The following CLASP1 variants were observed in gnomAD, a reference collection of about 807,000 sequenced individuals.
CLASP1 encodes cytoplasmic linker associated protein 1.
CLASP1 carries 38 observed loss-of-function variants against 192.3 expected under a neutral mutation model. The observed-to-expected ratio is 0.20, with a 90% confidence interval of 0.15 to 0.26. The LOEUF (loss-of-function observed/expected upper bound fraction) is 0.26. CLASP1 is among the 10% of genes least tolerant of loss of function. The probability of loss-of-function intolerance (pLI) is 1.00; values close to 1 mark genes in which losing one functional copy is unlikely to be tolerated. For missense variants in CLASP1, 1,433 were observed against 1,932.5 expected, an observed-to-expected ratio of 0.74 and a Z score of 4.85; for synonymous variants, 691 against 712.8, an observed-to-expected ratio of 0.97 and a Z score of 0.49.
At chr2:121,404,115 TAAGA>T (rs972103274) in intron 26 of CLASP1, among the ~76,000 whole-genome samples, 1 of 152,216 alleles carries the variant, frequency 6.6e-6, no homozygotes, top group African/African-American at 2.4e-5. Flanking sequence ...TTGCTGAATA[TAAGA>T]AAGACCATCT....
At chr2:121,344,190 G>A (rs2063149647) in intron 39 of CLASP1, among the ~76,000 whole-genome samples, 3 of 152,156 alleles carry the variant, frequency 2.0e-5, no homozygotes, top group Admixed American at 2.0e-4. Context: ...ACAGAGACCA[G>A]AAGGCAAGCT....
intron 19 of CLASP1, among the ~76,000 whole-genome samples, chr2:121,439,575 G>A (rs540831907): frequency 3.3e-5 from 5 of 151,960 alleles, no homozygotes; most frequent in East Asian, 1.9e-4. Context: ...CCTTCATTTC[G>A]TTATGTACCC....
intron 2 of CLASP1, chr2:121,530,556 C>T (rs116839709): frequency 5.4e-6 from 3 of 551,766 alleles, no homozygotes; most frequent in African/African-American, 3.8e-5. Context: ...AAATAAAAGG[C>T]AATACAGCGT....
intron 25 of CLASP1, among the ~76,000 whole-genome samples, chr2:121,407,076 C>T (rs975311295): frequency 1.3e-5 from 2 of 151,962 alleles, no homozygotes; most frequent in African/African-American, 2.4e-5. Context: ...ATTAGCCAGG[C>T]GTGGTGGTGT....
At chr2:121,344,427 G>A (rs1285049543) in intron 39 of CLASP1, among the ~76,000 whole-genome samples, 1 of 151,944 alleles carries the variant, frequency 6.6e-6, no homozygotes, top group Non-Finnish European at 1.5e-5. Flanking sequence ...CACCTCCCAG[G>A]TTCAAGCGAT....
intron 2 of CLASP1, among the ~76,000 whole-genome samples, chr2:121,565,941 A>G (rs2059460583): frequency 6.6e-6 from 1 of 152,192 alleles, no homozygotes; most frequent in South Asian, 2.1e-4. Context: ...CGAAGAGAAA[A>G]CACCCAAAAA....
chr2:121,392,107 C>T (rs962803302), intron 30 of CLASP1, among the ~76,000 whole-genome samples: 1 of 152,198 alleles, frequency 6.6e-6, no homozygotes, highest in Non-Finnish European at 1.5e-5. Flanking sequence ...CATCTTTATA[C>T]TTCTAGGTTT....
chr2:121,371,903 G>C (rs2068822072), intron 34 of CLASP1, among the ~76,000 whole-genome samples: 1 of 152,118 alleles, frequency 6.6e-6, no homozygotes, highest in Admixed American at 6.5e-5. Flanking sequence ...TCTCCAGTTT[G>C]TTCCTCAACT....
exon 10 of CLASP1, chr2:121,462,543 G>A: frequency 6.3e-7 from 1 of 1,578,656 alleles, no homozygotes. Flanking sequence ...TGTACTACAG[G>A]TACATCATCA....
chr2:121,425,782 A>G (rs1336778289), intron 21 of CLASP1, among the ~76,000 whole-genome samples: 1 of 152,236 alleles, frequency 6.6e-6, no homozygotes, highest in Non-Finnish European at 1.5e-5. Flanking sequence ...AAATCACAAA[A>G]TAAGATAGAA....
intron 8 of CLASP1, among the ~76,000 whole-genome samples, chr2:121,498,274 T>C: frequency 6.8e-6 from 1 of 146,808 alleles, no homozygotes; most frequent in Non-Finnish European, 1.5e-5. Flanking sequence ...CTCAGCTCAC[T>C]GAAACCTCCG....
At chr2:121,419,252 C>A (rs2079096105) in intron 22 of CLASP1, among the ~76,000 whole-genome samples, 1 of 152,202 alleles carries the variant, frequency 6.6e-6, no homozygotes, top group South Asian at 2.1e-4. Context: ...GGCTGGCCAT[C>A]TTCACCAAGA....
intron 22 of CLASP1, among the ~76,000 whole-genome samples, chr2:121,421,958 TG>T (rs2079576103): frequency 6.6e-6 from 1 of 152,196 alleles, no homozygotes; most frequent in African/African-American, 2.4e-5. Flanking sequence ...AAATGTTCTA[TG>T]TGAAAATATG....
intron 30 of CLASP1, among the ~76,000 whole-genome samples, chr2:121,395,093 G>T (rs1051197865): frequency 6.6e-6 from 1 of 152,086 alleles, no homozygotes; most frequent in African/African-American, 2.4e-5. Context: ...TTCTACACCT[G>T]CAAGAGACTG....
At chr2:121,642,504 G>A (rs2072308248) in intron 1 of CLASP1, among the ~76,000 whole-genome samples, 1 of 152,002 alleles carries the variant, frequency 6.6e-6, no homozygotes, top group Admixed American at 6.6e-5. Flanking sequence ...GGCTGAGGCA[G>A]GTGGATCACT....
chr2:121,435,913 AC>A (rs1324351736), intron 19 of CLASP1, among the ~76,000 whole-genome samples: 3 of 152,208 alleles, frequency 2.0e-5, no homozygotes, highest in Non-Finnish European at 4.4e-5. Context: ...GATATGCTCC[AC>A]CCTTCCTATT....
intron 2 of CLASP1, among the ~76,000 whole-genome samples, chr2:121,562,569 TAC>T (rs2059181786): frequency 6.6e-6 from 1 of 152,242 alleles, no homozygotes; most frequent in Non-Finnish European, 1.5e-5. Flanking sequence ...CTGAGTAGAA[TAC>T]TGAACAGCTC....
chr2:121,486,111 G>A (rs776339626), intron 8 of CLASP1, among the ~76,000 whole-genome samples: 11 of 152,126 alleles, frequency 7.2e-5, no homozygotes, highest in Non-Finnish European at 1.5e-4. Context: ...AAGACACAAA[G>A]GCAGTAATGA....
chr2:121,506,455 A>AT (rs2093952508), intron 7 of CLASP1, among the ~76,000 whole-genome samples: 1 of 152,156 alleles, frequency 6.6e-6, no homozygotes, highest in African/African-American at 2.4e-5. Context: ...CAAGACAGAA[A>AT]TAACAACTGG....
Sources: gnomAD v4.1 joint callset for allele counts (sites outside exome capture counted in the v4.1 genomes callset) on GRCh38, gnomAD v4.1.1 for gene constraint, MANE v1.5 for transcripts, NCBI Gene and HGNC (gene_info 2026-07-23, HGNC 2026-07-21) for gene names.